The following CAB39L variants were observed in gnomAD, a reference collection of about 807,000 sequenced individuals.
CAB39L encodes the protein calcium-binding protein 39-like.
A neutral mutation model predicts 39.1 loss-of-function variants in CAB39L; 23 were observed. The ratio of observed to expected loss-of-function variants is 0.59; its 90% CI spans 0.42 to 0.83. CAB39L has a LOEUF of 0.83. Among genes scored for constraint, CAB39L ranks in the 40% least tolerant of loss-of-function variants. The pLI is 0.00. For missense variants in CAB39L, 366 were observed against 391.9 expected, an observed-to-expected ratio of 0.93 and a Z score of 0.56; for synonymous variants, 126 against 137.2, an observed-to-expected ratio of 0.92 and a Z score of 0.57.
At chr13:49,440,370 A>C (rs1374658358) in intron 1 of CAB39L, among the ~76,000 whole-genome samples, 4 of 151,990 alleles carry the variant, frequency 2.6e-5, no homozygotes, top group Non-Finnish European at 5.9e-5. Flanking sequence ...TTCTTTCTCC[A>C]TTGCTTCCTT....
chr13:49,344,328 T>C, intron 7 of CAB39L, 90 bp from the exon 8 acceptor site: 1 of 733,396 alleles, frequency 1.4e-6, no homozygotes, highest in Non-Finnish European at 2.3e-6. Context: ...CATATAAAAG[T>C]TGCAGAAGAA....
chr13:49,315,795 G>A (rs1954139584), intron 10 of CAB39L, among the ~76,000 whole-genome samples: 1 of 150,486 alleles, frequency 6.6e-6, no homozygotes, highest in South Asian at 2.1e-4. Flanking sequence ...TGAGGCAGGA[G>A]AATGGCTTGA....
intron 3 of CAB39L, among the ~76,000 whole-genome samples, chr13:49,426,113 T>C (rs184293836): frequency 5.3e-4 from 80 of 152,356 alleles, no homozygotes; most frequent in African/African-American, 1.8e-3. Flanking sequence ...CAAATCTTTT[T>C]CAGATAAGCC....
chr13:49,408,096 G>T (rs1454827023), intron 3 of CAB39L, among the ~76,000 whole-genome samples: 1 of 152,112 alleles, frequency 6.6e-6, no homozygotes, highest in Non-Finnish European at 1.5e-5. Context: ...AGTAGGTGAT[G>T]AAATTAAAGG....
At chr13:49,433,263 C>T (rs1375338003) in intron 3 of CAB39L, 55 bp downstream of exon 3, 1 of 410,080 alleles carries the variant, frequency 2.4e-6, no homozygotes. Flanking sequence ...TGAGCATAGT[C>T]TACACGTCTG....
chr13:49,407,937 A>T (rs576121733), intron 3 of CAB39L, among the ~76,000 whole-genome samples: 3 of 91,538 alleles, frequency 3.3e-5, no homozygotes, highest in East Asian at 2.8e-4. Context: ...ATAATAGTAT[A>T]AAAAAACTAG....
Position 49,359,731 on chromosome 13 carries a change from C to G in CAB39L, c.378G>C (p.Leu126=). 3 of 1,598,180 alleles carry G rather than the reference C, an allele frequency of 1.9e-6. No homozygotes were observed. Among genetic ancestry groups the G allele is most frequent in the Non-Finnish European group, 2.6e-6 (3 of 1,166,822 alleles). The change falls in exon 6 of 11, where the codon CTG becomes CTC. Residue 126 remains leucine, a synonymous_variant. Transcript: ENST00000409308. ...VEYISAHPHI[L]FMLLKGYEAP... is the part of the protein sequence containing the mutation. ...GTACCTACCCTTTGAGGAGCATAAA[C>G]AGGATATGAGGATGAGCACTAATAT...
chr13:49,333,275 CT>C (rs1409796236), intron 9 of CAB39L, among the ~76,000 whole-genome samples: 9 of 152,334 alleles, frequency 5.9e-5, no homozygotes, highest in African/African-American at 2.2e-4. Context: ...CCTCCTTCAT[CT>C]TTCTGCAGCT....
intron 4 of CAB39L, among the ~76,000 whole-genome samples, chr13:49,377,809 GCCA>G (rs1241678857): frequency 1.1e-4 from 10 of 94,880 alleles, no homozygotes; most frequent in South Asian, 3.3e-4. Context: ...CTGCCCGGCC[GCCA>G]CCCCGTCTGG....
rs1303280194 is a variant in CAB39L, at chr13:49,396,389, T to A, written c.-31-13448A>T. Reference sequence around the variant, plus strand: ...GGCACCTTCTGTTAAACTAAAAAAATTAAAATAAACCTACCACCACATAAA... The same window carrying A: ...GGCACCTTCTGTTAAACTAAAAAAAATAAAATAAACCTACCACCACATAAA... On this transcript the variant is annotated intron_variant, in intron 3 of 10. Transcript: ENST00000409308. Among the ~76,000 whole-genome samples the A allele has an allele frequency of 2.6e-5, 4 of 151,892 alleles. 1 individual carries two copies. Among genetic ancestry groups the A allele is most frequent in the African/African-American group, 7.3e-5 (3 of 41,350 alleles).
chr13:49,380,175 G>A (rs1052269350), intron 4 of CAB39L, among the ~76,000 whole-genome samples: 3 of 152,046 alleles, frequency 2.0e-5, no homozygotes, highest in African/African-American at 4.8e-5. Context: ...GTCTAATTTT[G>A]CTAGCAATTC....
chr13:49,388,918 G>T (rs1356115421), intron 3 of CAB39L, among the ~76,000 whole-genome samples: 1 of 152,174 alleles, frequency 6.6e-6, no homozygotes, highest in Non-Finnish European at 1.5e-5. Flanking sequence ...TCTGGTGATA[G>T]ATGTGTCTGC....
intron 3 of CAB39L, among the ~76,000 whole-genome samples, chr13:49,428,536 C>G (rs1957275127): frequency 6.6e-6 from 1 of 152,142 alleles, no homozygotes. Flanking sequence ...TGGGGGCCAT[C>G]TTGGAGGCTG....
chr13:49,358,932 ATG>A (rs1955557511), intron 6 of CAB39L, among the ~76,000 whole-genome samples: 1 of 152,230 alleles, frequency 6.6e-6, no homozygotes, highest in African/African-American at 2.4e-5. Context: ...TTTTTAAACT[ATG>A]TATTATTTTG....
intron 10 of CAB39L, among the ~76,000 whole-genome samples, chr13:49,316,734 T>G (rs1020529550): frequency 6.6e-6 from 1 of 152,198 alleles, no homozygotes; most frequent in Non-Finnish European, 1.5e-5. Context: ...CAAAAAGATA[T>G]GTTCAAGTCC....
intron 7 of CAB39L, among the ~76,000 whole-genome samples, chr13:49,345,922 T>A (rs1178391424): frequency 6.6e-6 from 1 of 151,578 alleles, no homozygotes; most frequent in Non-Finnish European, 1.5e-5. Flanking sequence ...TACATTAGTG[T>A]TACCCCAAAG....
chr13:49,365,814 G>A (rs1033280982), intron 5 of CAB39L, among the ~76,000 whole-genome samples: 1 of 149,960 alleles, frequency 6.7e-6, no homozygotes, highest in South Asian at 2.1e-4. Flanking sequence ...CAAAAGAAAG[G>A]AAATCAGTAT....
At chr13:49,348,714 C>T (rs1449437826) in intron 7 of CAB39L, among the ~76,000 whole-genome samples, 4 of 152,202 alleles carry the variant, frequency 2.6e-5, no homozygotes, top group Non-Finnish European at 5.9e-5. Flanking sequence ...CAGTATTCTC[C>T]CTCCAGAGTT....
chr13:49,336,871 A>G (rs745503705), intron 9 of CAB39L, among the ~76,000 whole-genome samples: 3 of 152,268 alleles, frequency 2.0e-5, no homozygotes, highest in South Asian at 2.1e-4. Flanking sequence ...CTTTCTGGAC[A>G]TGGGAGAACA....
Sources: allele counts gnomAD v4.1 joint callset (sites outside exome capture counted in the v4.1 genomes callset), GRCh38; gene constraint gnomAD v4.1.1; transcripts MANE v1.5; gene names NCBI Gene and HGNC (gene_info 2026-07-23, HGNC 2026-07-21).